Variants in ANAPC4 observed in about 807,000 individuals in gnomAD.
ANAPC4 encodes anaphase-promoting complex subunit 4.
Under a neutral mutation model 119.8 loss-of-function variants are expected in ANAPC4, and 63 were observed. That is an observed-to-expected ratio of 0.53 (90% CI 0.43 to 0.65). The LOEUF (loss-of-function observed/expected upper bound fraction) is 0.65. Ranked by LOEUF, ANAPC4 falls within the 30% of genes least tolerant of loss-of-function variation. The pLI is 0.00. For missense variants in ANAPC4, 716 were observed against 945.1 expected (o/e 0.76, Z 3.18); for synonymous variants, 283 against 318.6 (o/e 0.89, Z 1.19).
At chr4:25,392,217 C>A in intron 9 of ANAPC4, 121 bp from the exon 10 acceptor site, 1 of 700,194 alleles carries the variant, frequency 1.4e-6, no homozygotes. Flanking sequence ...AACCGTTCTG[C>A]TCAAAGAGGG....
At chr4:25,395,404 C>A (rs28656285) in intron 14 of ANAPC4, 65,412 of 151,658 alleles carry the variant, frequency 0.43, 15,634 homozygotes, top group Non-Finnish European at 0.53. Context: ...ATAGCTACTT[C>A]ATTGAAGCAT....
intron 21 of ANAPC4, among the ~76,000 whole-genome samples, chr4:25,410,977 C>T (rs1160715997): frequency 6.8e-6 from 1 of 147,008 alleles, no homozygotes; most frequent in Admixed American, 6.9e-5. Flanking sequence ...ATTTCTGCCA[C>T]TTGTATTTGG....
intron 25 of ANAPC4, 93 bp from the exon 26 acceptor site, chr4:25,415,373 T>TG (rs1723801530): frequency 1.1e-6 from 1 of 949,960 alleles, no homozygotes; most frequent in South Asian, 1.6e-5. Context: ...GTACATGTAC[T>TG]GACCCTGACA....
intron 3 of ANAPC4, among the ~76,000 whole-genome samples, chr4:25,380,928 C>T (rs1721680182): frequency 1.3e-5 from 2 of 152,206 alleles, no homozygotes; most frequent in Admixed American, 6.5e-5. Flanking sequence ...ACCTGGGGGA[C>T]TATCACCTTT....
intron 9 of ANAPC4, among the ~76,000 whole-genome samples, chr4:25,391,289 G>A (rs560105724): frequency 6.6e-6 from 1 of 152,258 alleles, no homozygotes; most frequent in Admixed American, 6.5e-5. Flanking sequence ...TGTACCAAGT[G>A]TTTGCTTAGG....
At chr4:25,414,559 A>G (rs780191954) in intron 24 of ANAPC4, 40 bp from the exon 25 acceptor site, 5 of 1,562,276 alleles carry the variant, frequency 3.2e-6, no homozygotes, top group African/African-American at 2.8e-5. Flanking sequence ...TGTTTTATCC[A>G]TCAATAGTTA....
intron 18 of ANAPC4, 89 bp from the exon 19 acceptor site, chr4:25,406,740 A>AAAATGTCACATTTATAATTATGT: frequency 9.9e-7 from 1 of 1,013,844 alleles, no homozygotes; most frequent in Non-Finnish European, 1.5e-6. Flanking sequence ...GTAGATAGTA[A>AAAATGTCACATTTATAATTATGT]AAATGTCACA....
chr4:25,413,370 T>C (rs987003718), intron 21 of ANAPC4: 30 of 304,694 alleles, frequency 9.8e-5, no homozygotes, highest in Admixed American at 6.2e-4. Flanking sequence ...CATTCCTTGC[T>C]TCTTATAGCC....
At chr4:25,406,362 C>G (rs1456397177) in intron 18 of ANAPC4, among the ~76,000 whole-genome samples, 1 of 152,080 alleles carries the variant, frequency 6.6e-6, no homozygotes, top group Non-Finnish European at 1.5e-5. Context: ...TGGAAGGGAT[C>G]CTAAGGTATA....
At position 25,417,613 on chromosome 4, in the gene ANAPC4, T is replaced by C. The variant is rs762122738; in HGVS notation, c.2076-3T>C. The C allele has an allele frequency of 1.3e-6, 2 of 1,589,504 alleles. No homozygotes were observed. Among genetic ancestry groups the C allele is most frequent in the South Asian group, 2.3e-5 (2 of 86,118 alleles). ...TCCTGAGTTGGTTTTTTTCCCTCTT[T>C]AGGCTAGATGAACAGTGTAGTGCTA... is the stretch of plus-strand genomic sequence containing the variant. On this transcript the variant is annotated splice_polypyrimidine_tract_variant and splice_region_variant and intron_variant, in intron 27 of 28. Coordinates refer to ENST00000315368, the MANE Select transcript of ANAPC4 (RefSeq NM_013367.3).
chr4:25,412,299 C>T lies in ANAPC4; in HGVS notation c.1526-1346C>T, dbSNP rs7435058. ...CCTCATTGTCCCAGTGTATTTCTGG[C>T]GGTTTCATTATGTAGACATGATTGA... On this transcript the variant is annotated intron_variant, in intron 21 of 28. Transcript: ENST00000315368. Among the ~76,000 whole-genome samples the T allele has an allele frequency of 1.5e-3, 221 of 152,024 alleles. 1 individual carries two copies. The highest frequency in any genetic ancestry group is 5.1e-3 in the African/African-American group (213 of 41,446).
chr4:25,411,073 A>G (rs1309216544), intron 21 of ANAPC4, among the ~76,000 whole-genome samples: 1 of 152,186 alleles, frequency 6.6e-6, no homozygotes, highest in African/African-American at 2.4e-5. Flanking sequence ...ATATAGTCCA[A>G]ATTCTTTTTC....
chr4:25,384,897 A>G (rs1383302188), intron 4 of ANAPC4, among the ~76,000 whole-genome samples: 1 of 152,208 alleles, frequency 6.6e-6, no homozygotes, highest in Non-Finnish European at 1.5e-5. Flanking sequence ...CATTAATCTT[A>G]TATATCTCTA....
At chr4:25,411,412 T>C (rs1723558380) in intron 21 of ANAPC4, among the ~76,000 whole-genome samples, 1 of 152,204 alleles carries the variant, frequency 6.6e-6, no homozygotes, top group Non-Finnish European at 1.5e-5. Context: ...GCTACAGACC[T>C]AATGGAACTC....
intron 4 of ANAPC4, among the ~76,000 whole-genome samples, chr4:25,385,944 T>C (rs531707633): frequency 1.7e-4 from 26 of 152,204 alleles, no homozygotes; most frequent in Non-Finnish European, 3.5e-4. Flanking sequence ...TATTATTTAT[T>C]TTTGAGACGG....
rs138210054 is a variant in ANAPC4, at chr4:25,390,255, A to G, written c.600+35A>G. The G allele has an allele frequency of 2.4e-5, 36 of 1,508,784 alleles. No homozygotes were observed. In the African/African-American group the frequency reaches 4.0e-4, roughly 17 times the overall value. 93.5% of individuals were successfully genotyped at this position (1,508,784 alleles called of 1,614,324 possible). A position where few individuals can be genotyped will look rare whatever the true frequency, so the allele number is the denominator to read the frequency against. ...CTTTAACATTTTCTCTTCCTAAATT[A>G]TTTCTCTTAGAATATACTAGGTACT... On this transcript the variant is annotated intron_variant, in intron 8 of 28. Transcript: ENST00000315368.
Position 25,402,985 on chromosome 4 carries a change from G to A in ANAPC4, c.1229G>A (p.Ser410Asn). ...ANELLQVIDS[S>N]MKNFKAFFRW... ...TATCTCTTTAGAGTTATAGATAGTA[G>A]TATGAAAAACTTCAAAGCATTTTTT... Residue 410 changes from serine (S) to asparagine (N), a missense_variant, in exon 17 of 29, where the codon AGT becomes AAT. Physicochemically the swap from Ser to Asn is conservative, Grantham distance 46. Coordinates refer to ENST00000315368, the MANE Select transcript of ANAPC4 (RefSeq NM_013367.3). 6.3e-7 allele frequency: 1 copy of A among 1,592,886 alleles called. No homozygotes were observed. Among genetic ancestry groups the A allele is most frequent in the Non-Finnish European group, 8.6e-7 (1 of 1,164,982 alleles).
At chr4:25,394,415 T>G (rs745445027) in intron 12 of ANAPC4, 41 bp downstream of exon 12, 1 of 1,496,266 alleles carries the variant, frequency 6.7e-7, no homozygotes, top group Non-Finnish European at 9.0e-7. Flanking sequence ...TTGCTTCTTT[T>G]TTAACAGTAA....
chr4:25,399,060 C>T (rs1722810027), intron 16 of ANAPC4, among the ~76,000 whole-genome samples: 2 of 151,572 alleles, frequency 1.3e-5, no homozygotes, highest in African/African-American at 2.4e-5. Context: ...TACTCCTTTA[C>T]TTGATTCATC....
Sources: allele counts gnomAD v4.1 joint callset (sites outside exome capture counted in the v4.1 genomes callset), GRCh38; gene constraint gnomAD v4.1.1; transcripts MANE v1.5; gene names NCBI Gene and HGNC (gene_info 2026-07-23, HGNC 2026-07-21).